Variants in SEMA6A observed in about 807,000 individuals in gnomAD.
The protein encoded by SEMA6A is semaphorin-6A.
A neutral mutation model predicts 96.8 loss-of-function variants in SEMA6A; 25 were observed. The observed-to-expected ratio is 0.26, with a 90% confidence interval of 0.19 to 0.36. SEMA6A has a LOEUF of 0.36. Ranked by LOEUF, SEMA6A falls within the 10% of genes least tolerant of loss-of-function variation. SEMA6A has a pLI of 1.00. For synonymous variants in SEMA6A, 612 were observed against 518.0 expected (o/e 1.18, Z -2.46); for missense variants, 1,363 against 1,323.1 (o/e 1.03, Z -0.47).
chr5:116,496,412 A>ACCC, intron 4 of SEMA6A, 99 bp from the exon 5 acceptor site: 1 of 947,388 alleles, frequency 1.1e-6, no homozygotes, highest in South Asian at 1.5e-5. Context: ...CTGAACATAT[A>ACCC]TTTATTGAAA....
chr5:116,474,197 CACT>C (rs1756321754), intron 16 of SEMA6A, among the ~76,000 whole-genome samples: 4 of 151,890 alleles, frequency 2.6e-5, no homozygotes, highest in Non-Finnish European at 5.9e-5. Context: ...CTACAGACAC[CACT>C]ATTGCAAGTA....
intron 3 of SEMA6A, among the ~76,000 whole-genome samples, chr5:116,500,233 C>T (rs1757811158): frequency 6.6e-6 from 1 of 152,196 alleles, no homozygotes; most frequent in African/African-American, 2.4e-5. Flanking sequence ...TCAGGACAAA[C>T]AGTACCAGCT....
At chr5:116,475,654 G>A in intron 15 of SEMA6A, 51 bp from the exon 16 acceptor site, 2 of 1,373,742 alleles carry the variant, frequency 1.5e-6, no homozygotes, top group Non-Finnish European at 2.0e-6. Context: ...AATAACGTGA[G>A]TCTTCAGAAA....
At chr5:116,559,242 G>A (rs770645880) in intron 1 of SEMA6A, among the ~76,000 whole-genome samples, 2 of 152,150 alleles carry the variant, frequency 1.3e-5, no homozygotes, top group Admixed American at 6.5e-5. Flanking sequence ...AGCACAATAG[G>A]ACTAGTGAAA....
chr5:116,521,879 G>GA (rs1758966300), intron 1 of SEMA6A, among the ~76,000 whole-genome samples: 1 of 151,920 alleles, frequency 6.6e-6, no homozygotes, highest in Non-Finnish European at 1.5e-5. Context: ...TTATACACCA[G>GA]AAAAAAAGTA....
chr5:116,536,866 TAAAAAAAAAAAAAAAAAA>T lies in SEMA6A; in HGVS notation c.-38-31902_-38-31885del, dbSNP rs72214884. Among the ~76,000 whole-genome samples the T allele has an allele frequency of 3.6e-4, 25 of 69,522 alleles. No individual in the cohort carries two copies. The South Asian group carries it at 8.9e-3, about 25-fold the overall frequency. The allele number at this position is 69,522 out of a possible 152,430, so 45.6% of individuals were successfully genotyped here. On this transcript the variant is annotated intron_variant, in intron 1 of 18. Coordinates refer to ENST00000343348, the MANE Select transcript of SEMA6A (RefSeq NM_020796.5). ...TTTATTCAGTCCCCGTGTGATTTCT[TAAAAAAAAAAAAAAAAAA>T]AAAAAAAAAAGCAAAACTGGTGTTC...
At chr5:116,517,010 G>C (rs896564836) in intron 1 of SEMA6A, among the ~76,000 whole-genome samples, 4 of 152,146 alleles carry the variant, frequency 2.6e-5, no homozygotes, top group African/African-American at 9.7e-5. Flanking sequence ...TGTTTCTCTA[G>C]ATCTGGATGA....
intron 1 of SEMA6A, among the ~76,000 whole-genome samples, chr5:116,516,803 T>C (rs1010157532): frequency 2.6e-5 from 4 of 152,224 alleles, no homozygotes; most frequent in Non-Finnish European, 5.9e-5. Context: ...AAATAAATTC[T>C]ACGAAATTAT....
intron 1 of SEMA6A, among the ~76,000 whole-genome samples, chr5:116,524,497 T>A (rs1023344557): frequency 2.0e-5 from 3 of 152,176 alleles, no homozygotes; most frequent in African/African-American, 4.8e-5. Flanking sequence ...ATACTCCTTT[T>A]CAAGTTATTT....
At chr5:116,510,405 G>C (rs564239084) in intron 1 of SEMA6A, among the ~76,000 whole-genome samples, 1 of 152,248 alleles carries the variant, frequency 6.6e-6, no homozygotes, top group East Asian at 1.9e-4. Flanking sequence ...TAACATAGGA[G>C]AGCAGAAAAG....
intron 1 of SEMA6A, among the ~76,000 whole-genome samples, chr5:116,523,450 T>A (rs1759059462): frequency 6.6e-6 from 1 of 152,054 alleles, no homozygotes; most frequent in Non-Finnish European, 1.5e-5. Context: ...AGTCTGAGAC[T>A]ACAGGCACGC....
intron 1 of SEMA6A, among the ~76,000 whole-genome samples, chr5:116,547,465 G>A (rs1760230699): frequency 6.6e-6 from 1 of 152,082 alleles, no homozygotes; most frequent in Non-Finnish European, 1.5e-5. Flanking sequence ...TAGAAAATAA[G>A]TGGTTCTGAC....
In SEMA6A at chr5:116,478,623, T is replaced by A; in HGVS notation, c.1346A>T (p.Lys449Met). ...FLGSEKGIILKFLARIGNSGF... is the reference protein window; with the variant it reads ...FLGSEKGIILMFLARIGNSGF... ...ACTATTTCCTATTCTGGCCAAAAAC[T>A]TCAAGATGATTCCCTTCTCTGATCC... is the stretch of plus-strand genomic sequence containing the variant. The change falls in exon 13 of 19, where the codon AAG becomes ATG. Residue 449 changes from lysine (K) to methionine (M), a missense_variant. This residue lies in a region of SEMA6A where 883 missense variants were observed against 763.6 expected (regional missense o/e 1.16). Coordinates refer to ENST00000343348, the MANE Select transcript of SEMA6A (RefSeq NM_020796.5). The A allele has an allele frequency of 1.2e-6, 2 of 1,613,670 alleles. No individual in the cohort carries two copies. Among genetic ancestry groups the A allele is most frequent in the South Asian group, 2.2e-5 (2 of 90,990 alleles).
chr5:116,459,316 AAT>A (rs747536075), intron 18 of SEMA6A, among the ~76,000 whole-genome samples: 1 of 152,168 alleles, frequency 6.6e-6, no homozygotes, highest in Non-Finnish European at 1.5e-5. Context: ...TTAATAACCT[AAT>A]ATGATTAAAT....
chr5:116,529,797 A>C (rs933990501), intron 1 of SEMA6A, among the ~76,000 whole-genome samples: 1 of 152,148 alleles, frequency 6.6e-6, no homozygotes, highest in South Asian at 2.1e-4. Context: ...CACTGAGTAC[A>C]CATGGACACA....
intron 2 of SEMA6A, chr5:116,502,653 T>G: frequency 4.2e-6 from 1 of 236,468 alleles, no homozygotes; most frequent in Non-Finnish European, 8.2e-6. Context: ...TCTTCCACAG[T>G]TTTCTTTTCA....
In SEMA6A at chr5:116,486,789, G is replaced by A. The variant is rs1757070815; in HGVS notation, c.922C>T (p.Arg308Cys). The A allele has an allele frequency of 2.5e-6, 4 of 1,613,598 alleles. No individual in the cohort carries two copies. Among genetic ancestry groups the A allele is most frequent in the African/African-American group, 1.3e-5 (1 of 74,854 alleles). ...AVTDVIRING[R>C]DVVLATFSTP... ...GAAAACGTTGCCAGGACAACATCAC[G>A]CCCGTTGATACGAATCACATCTGTA... The change falls in exon 10 of 19, where the codon CGT (arginine) becomes TGT (cysteine). Residue 308 changes from arginine (R) to cysteine (C), a missense_variant. Physicochemically the swap from Arg to Cys is radical, Grantham distance 180. Around this residue, in one of 2 missense-constraint regions of SEMA6A, gnomAD observed 480 missense variants for 559.5 expected, o/e 0.86. Coordinates refer to ENST00000343348, the MANE Select transcript of SEMA6A (RefSeq NM_020796.5).
intron 1 of SEMA6A, among the ~76,000 whole-genome samples, chr5:116,535,099 A>C (rs1759651474): frequency 6.6e-6 from 1 of 152,218 alleles, no homozygotes. Context: ...AGCAGTGACT[A>C]GGATGGCCTG....
intron 18 of SEMA6A, among the ~76,000 whole-genome samples, chr5:116,465,384 A>G (rs1322535177): frequency 6.6e-6 from 1 of 152,244 alleles, no homozygotes; most frequent in Non-Finnish European, 1.5e-5. Flanking sequence ...CATAAAAACT[A>G]TGATAAAAGG....
Sources: allele counts gnomAD v4.1 joint callset (sites outside exome capture counted in the v4.1 genomes callset), GRCh38; gene constraint gnomAD v4.1.1; regional missense constraint gnomAD v4.1.1; transcripts MANE v1.5; gene names NCBI Gene and HGNC (gene_info 2026-07-23, HGNC 2026-07-21).